Variants in C2orf49 observed in about 807,000 individuals in gnomAD.
The protein encoded by C2orf49 is tRNA splicing ligase complex subunit 2.
In C2orf49, 11 loss-of-function variants were observed where a neutral mutation model predicts 20.6. The observed-to-expected ratio is 0.53, with a 90% CI of 0.34 to 0.88. The LOEUF (loss-of-function observed/expected upper bound fraction) is 0.88. Among genes scored for constraint, C2orf49 ranks in the 40% least tolerant of loss-of-function variants. C2orf49 has a pLI of 0.02. For synonymous variants in C2orf49, 134 were observed against 108.5 expected, an observed-to-expected ratio of 1.24 and a Z score of -1.46; for missense variants, 289 against 274.2, an observed-to-expected ratio of 1.05 and a Z score of -0.38.
the C2orf49 span, among the ~76,000 whole-genome samples, chr2:105,379,814 C>T: frequency 6.6e-6 from 1 of 152,226 alleles, no homozygotes; most frequent in South Asian, 2.1e-4. Flanking sequence ...CTGCAAGTCC[C>T]AGCTGAAATC....
chr2:105,373,620 T>C, the C2orf49 span: 2 of 1,614,224 alleles, frequency 1.2e-6, no homozygotes, highest in Non-Finnish European at 1.7e-6. Flanking sequence ...AATAGCAGTC[T>C]GTACAGAGCA....
chr2:105,356,129 C>T, the C2orf49 span, among the ~76,000 whole-genome samples: 3 of 152,066 alleles, frequency 2.0e-5, no homozygotes, highest in South Asian at 2.1e-4. Flanking sequence ...GTGGCTCACA[C>T]CTGTAATCCC....
In C2orf49 at chr2:105,347,131, C is replaced by G. The variant is rs926250731; in HGVS notation, c.*1760C>G. The G allele has an allele frequency of 2.0e-4, 29 of 146,454 alleles. No homozygotes were observed. The highest frequency in any genetic ancestry group is 3.3e-4 in the Non-Finnish European group (22 of 67,396). 9.1% of individuals were successfully genotyped at this position (146,454 alleles called of 1,614,324 possible). A position where few individuals can be genotyped will look rare whatever the true frequency, so the allele number is the denominator to read the frequency against. ...AACCCAATAGTTTTTAATCATTCTG[C>G]CTTTATTCCAAACTGTAAATCTGTA... is the stretch of plus-strand genomic sequence containing the variant. On this transcript the variant is annotated 3_prime_UTR_variant, in exon 4 of 4. Coordinates refer to ENST00000258457, the MANE Select transcript of C2orf49 (RefSeq NM_024093.3).
the C2orf49 span, among the ~76,000 whole-genome samples, chr2:105,365,715 C>T: frequency 6.6e-6 from 1 of 151,038 alleles, no homozygotes; most frequent in Non-Finnish European, 1.5e-5. Flanking sequence ...GGTGGTGGCA[C>T]CTGCCTGTAA....
Position 105,348,664 on chromosome 2 carries a change from T to C in C2orf49, c.*3293T>C, listed in dbSNP as rs2104457534. On this transcript the variant is annotated 3_prime_UTR_variant, in exon 4 of 4. Coordinates refer to ENST00000258457, the MANE Select transcript of C2orf49 (RefSeq NM_024093.3). ...CTCTTTTATTACATGCTTGTGCAGG[T>C]TTTGTAATTCAGTACAGAAAAGTTT... The C allele has an allele frequency of 6.6e-6, 1 of 151,768 alleles. No homozygotes were observed. The highest frequency in any genetic ancestry group is 1.5e-5 in the Non-Finnish European group (1 of 67,940). The allele number at this position is 151,768 out of a possible 1,614,324, so 9.4% of individuals were successfully genotyped here.
the C2orf49 span, among the ~76,000 whole-genome samples, chr2:105,363,947 G>C: frequency 1.3e-5 from 2 of 152,300 alleles, no homozygotes; most frequent in East Asian, 3.9e-4. Flanking sequence ...AATTGGGCAA[G>C]TTGATGAGGA....
chr2:105,365,951 T>TCCCAG, the C2orf49 span, among the ~76,000 whole-genome samples: 4 of 152,112 alleles, frequency 2.6e-5, no homozygotes, highest in African/African-American at 9.7e-5. Context: ...ACGCCTGTAA[T>TCCCAG]CCCAGCACTT....
At chr2:105,343,443 C>T (rs1679728049) in intron 3 of C2orf49, among the ~76,000 whole-genome samples, 1 of 152,212 alleles carries the variant, frequency 6.6e-6, no homozygotes, top group Admixed American at 6.5e-5. Context: ...CAAGTTATTT[C>T]TGCTTAAAAT....
chr2:105,350,466 A>G (rs957076969), downstream of C2orf49, among the ~76,000 whole-genome samples: 9 of 152,380 alleles, frequency 5.9e-5, no homozygotes, highest in Middle Eastern at 6.8e-3. Flanking sequence ...GACTTAACCA[A>G]GCATTCAGTT....
downstream of C2orf49, among the ~76,000 whole-genome samples, chr2:105,352,429 G>GTTTTTTTTTTTTTTTTTTTTTTGGTT (rs61585149): frequency 9.9e-5 from 8 of 80,750 alleles, no homozygotes; most frequent in South Asian, 6.0e-4. Flanking sequence ...GTTTGTTTGG[G>GTTTTTTTTTTTTTTTTTTTTTTGGTT]TTTTTTTTTT....
Position 105,347,253 on chromosome 2 carries a change from G to A in C2orf49, c.*1882G>A, listed in dbSNP as rs1215015912. ...ACAGACATAATGTTGGTGGGCAACTGTGATCCTATACATACATATATGCAA... is the reference window on the plus strand; with the variant it reads ...ACAGACATAATGTTGGTGGGCAACTATGATCCTATACATACATATATGCAA... On this transcript the variant is annotated 3_prime_UTR_variant, in exon 4 of 4. Transcript: ENST00000258457. 6.6e-6 allele frequency: 1 copy of A among 152,214 alleles called. No homozygotes were observed. Among genetic ancestry groups the A allele is most frequent in the Non-Finnish European group, 1.5e-5 (1 of 68,032 alleles). The allele number at this position is 152,214 out of a possible 1,614,324, so 9.4% of individuals were successfully genotyped here. A position where few individuals can be genotyped will look rare whatever the true frequency, so the allele number is the denominator to read the frequency against.
At chr2:105,383,564 C>G in the C2orf49 span, among the ~76,000 whole-genome samples, 2 of 152,150 alleles carry the variant, frequency 1.3e-5, no homozygotes, top group Non-Finnish European at 2.9e-5. Context: ...CATAGGCATG[C>G]CAACATTTAA....
the C2orf49 span, among the ~76,000 whole-genome samples, chr2:105,383,383 A>G: frequency 6.6e-6 from 1 of 152,258 alleles, no homozygotes; most frequent in East Asian, 1.9e-4. Flanking sequence ...GGCCATACAA[A>G]TCAATAATCT....
chr2:105,363,195 TGAG>T, the C2orf49 span: 2 of 1,284,550 alleles, frequency 1.6e-6, no homozygotes, highest in Non-Finnish European at 2.2e-6. Flanking sequence ...TCTGGGGAGT[TGAG>T]GGATATAGAC....
intron 1 of C2orf49, among the ~76,000 whole-genome samples, chr2:105,338,272 G>C (rs1012220357): frequency 6.6e-6 from 1 of 152,206 alleles, no homozygotes; most frequent in Non-Finnish European, 1.5e-5. Flanking sequence ...GATGTTTTAA[G>C]TGATAGAGAA....
At position 105,347,256 on chromosome 2, in the gene C2orf49, A is replaced by C. The variant is rs567741634; in HGVS notation, c.*1885A>C. On this transcript the variant is annotated 3_prime_UTR_variant, in exon 4 of 4. Transcript: ENST00000258457. ...GACATAATGTTGGTGGGCAACTGTGATCCTATACATACATATATGCAAAAG... is the reference window on the plus strand; with the variant it reads ...GACATAATGTTGGTGGGCAACTGTGCTCCTATACATACATATATGCAAAAG... The C allele has an allele frequency of 6.6e-6, 1 of 152,350 alleles. No individual in the cohort carries two copies. Among genetic ancestry groups the C allele is most frequent in the South Asian group, 2.1e-4 (1 of 4,830 alleles). 9.4% of individuals were successfully genotyped at this position (152,350 alleles called of 1,614,324 possible).
the C2orf49 span, among the ~76,000 whole-genome samples, chr2:105,364,254 AAAAACAAAAC>A: frequency 8.1e-3 from 1,227 of 151,380 alleles, 15 homozygotes; most frequent in African/African-American, 0.028. Context: ...AGACTGTCTC[AAAAACAAAAC>A]AAAACAAAAC....
chr2:105,370,216 A>G, the C2orf49 span, among the ~76,000 whole-genome samples: 7 of 149,426 alleles, frequency 4.7e-5, no homozygotes, highest in African/African-American at 1.7e-4. Flanking sequence ...CTACCCCCCC[A>G]AAAAAAAAAT....
At chr2:105,373,994 T>TA in the C2orf49 span, 4 of 503,790 alleles carry the variant, frequency 7.9e-6, no homozygotes, top group Non-Finnish European at 1.4e-5. Flanking sequence ...GAGATGCTTC[T>TA]AAAAAACAAA....
Sources: allele counts gnomAD v4.1 joint callset (sites outside exome capture counted in the v4.1 genomes callset), GRCh38; gene constraint gnomAD v4.1.1; transcripts MANE v1.5; gene names NCBI Gene and HGNC (gene_info 2026-07-23, HGNC 2026-07-21).